CCDC144A: variants seen among roughly 807,000 people sequenced by gnomAD.
The protein encoded by CCDC144A is coiled-coil domain containing 144A.
In CCDC144A, 41 loss-of-function variants were observed where a neutral mutation model predicts 143.8. The observed-to-expected ratio is 0.29, with a 90% confidence interval of 0.22 to 0.37. CCDC144A has a LOEUF of 0.37. Among genes scored for constraint, CCDC144A ranks in the 10% least tolerant of loss-of-function variants. The pLI is 1.00. For missense variants in CCDC144A, 637 were observed against 1,488.8 expected (o/e 0.43, Z 9.41); for synonymous variants, 242 against 517.9 (o/e 0.47, Z 7.23).
intron 12 of CCDC144A, among the ~76,000 whole-genome samples, chr17:16,747,725 T>G (rs1914602343): frequency 6.6e-6 from 1 of 152,250 alleles, no homozygotes; most frequent in African/African-American, 2.4e-5. Context: ...GATTTGTCTC[T>G]CAGCTTGAAC....
chr17:16,668,370 C>T, the CCDC144A span, among the ~76,000 whole-genome samples: 14 of 152,066 alleles, frequency 9.2e-5, no homozygotes, highest in Middle Eastern at 3.4e-3. Context: ...GATTCTAGGC[C>T]CTCTAATTAT....
the CCDC144A span, among the ~76,000 whole-genome samples, chr17:16,671,309 G>T: frequency 6.6e-6 from 1 of 151,724 alleles, no homozygotes; most frequent in Non-Finnish European, 1.5e-5. Flanking sequence ...ATTATTAAAG[G>T]GTTACATTAA....
intron 12 of CCDC144A, among the ~76,000 whole-genome samples, chr17:16,756,293 TTTTTA>T (rs1488274994): frequency 9.2e-5 from 14 of 152,244 alleles, no homozygotes; most frequent in African/African-American, 2.2e-4. Flanking sequence ...GTCTTCATTC[TTTTTA>T]TTTTATTTTT....
intron 2 of CCDC144A, among the ~76,000 whole-genome samples, chr17:16,700,324 C>T (rs969985084): frequency 4.5e-4 from 69 of 152,274 alleles, no homozygotes; most frequent in Non-Finnish European, 5.7e-4. Flanking sequence ...TCATTAGAGG[C>T]TCAGCACCCA....
chr17:16,678,751 G>GTTTTT, the CCDC144A span, among the ~76,000 whole-genome samples: 44 of 78,016 alleles, frequency 5.6e-4, no homozygotes, highest in Non-Finnish European at 7.2e-4. Flanking sequence ...TGGCTAATTT[G>GTTTTT]TTTTTTTTTT....
intron 12 of CCDC144A, among the ~76,000 whole-genome samples, chr17:16,742,652 C>T (rs1454911744): frequency 6.6e-6 from 1 of 152,182 alleles, no homozygotes; most frequent in Non-Finnish European, 1.5e-5. Flanking sequence ...TACTAGTTTA[C>T]ATTCCCTCCA....
chr17:16,694,429 A>G (rs2621660), intron 2 of CCDC144A, among the ~76,000 whole-genome samples: 3 of 152,192 alleles, frequency 2.0e-5, no homozygotes, highest in South Asian at 4.1e-4. Context: ...AAAACAAATA[A>G]AAAATTAGCT....
chr17:16,726,399 A>G (rs1913426562), intron 8 of CCDC144A, among the ~76,000 whole-genome samples: 3 of 141,038 alleles, frequency 2.1e-5, no homozygotes, highest in African/African-American at 8.9e-5. Context: ...AAAAAAAGAG[A>G]GATAAAAAAA....
intron 11 of CCDC144A, among the ~76,000 whole-genome samples, chr17:16,733,792 G>T (rs1213817012): frequency 6.6e-6 from 1 of 151,964 alleles, no homozygotes; most frequent in African/African-American, 2.4e-5. Flanking sequence ...CATATTTTTT[G>T]ACCTCTCCTT....
rs1234732025 is a variant in CCDC144A at position 16,711,156 on chromosome 17, AAAC to A, written c.1579-520_1579-518del. Among the ~76,000 whole-genome samples, 18 of 143,618 alleles carry A rather than the reference AAAC, an allele frequency of 1.3e-4. 1 individual carries two copies. Among genetic ancestry groups the A allele is most frequent in the East Asian group, 3.9e-4 (2 of 5,104 alleles). The allele number at this position is 143,618 out of a possible 152,430, so 94.2% of individuals were successfully genotyped here. ...CAAATGAAAAAAAAAAAAAAAAAAAAAACAAAAGTTAGTGGGGGAAAAGAATAG... is the reference window on the plus strand; with the variant it reads ...CAAATGAAAAAAAAAAAAAAAAAAAAAAAAGTTAGTGGGGGAAAAGAATAG... On this transcript the variant is annotated intron_variant, in intron 5 of 16. Coordinates refer to ENST00000399273, the MANE Select transcript of CCDC144A (RefSeq NM_001382000.1).
intron 2 of CCDC144A, among the ~76,000 whole-genome samples, chr17:16,699,502 A>T (rs1232508421): frequency 7.2e-5 from 1 of 13,806 alleles, no homozygotes; most frequent in South Asian, 4.2e-3. Flanking sequence ...CAGCCTCCTG[A>T]GTAGCTGGGA....
chr17:16,719,170 C>A (rs1912945366), intron 6 of CCDC144A, among the ~76,000 whole-genome samples: 1 of 151,606 alleles, frequency 6.6e-6, no homozygotes, highest in Admixed American at 6.6e-5. Context: ...AGTTGACCTA[C>A]AATGGATTAT....
intron 8 of CCDC144A, among the ~76,000 whole-genome samples, chr17:16,724,578 G>C (rs1434618275): frequency 6.6e-6 from 1 of 150,948 alleles, no homozygotes; most frequent in Non-Finnish European, 1.5e-5. Flanking sequence ...AGTGCTCACT[G>C]GGTACTTGAG....
chr17:16,708,428 C>G (rs2143114037), intron 4 of CCDC144A, among the ~76,000 whole-genome samples: 1 of 152,198 alleles, frequency 6.6e-6, no homozygotes, highest in South Asian at 2.1e-4. Flanking sequence ...GGCTCACTTT[C>G]CAAGTGAGGA....
rs1444667471 is a variant in CCDC144A, at chr17:16,709,590, A to G, written c.1533A>G (p.Glu511=). The stretch of plus-strand genomic sequence containing the variant: ...AGAATGAGGTCAACACATTAGAAGA[A>G]GAGTTCCTGGCTTTGAAGAAAGAAG... ...KFKNEVNTLE[E]EFLALKKEDV... is the part of the protein sequence containing the mutation. The change falls in exon 5 of 17, where the codon GAA becomes GAG. Residue 511 remains glutamate, a synonymous_variant. Coordinates refer to ENST00000399273, the MANE Select transcript of CCDC144A (RefSeq NM_001382000.1). 6.2e-7 allele frequency: 1 copy of G among 1,611,612 alleles called. No homozygotes were observed. Among genetic ancestry groups the G allele is most frequent in the East Asian group, 2.2e-5 (1 of 44,808 alleles).
At chr17:16,726,910 G>A (rs1037373662) in intron 8 of CCDC144A, 1 of 133,682 alleles carries the variant, frequency 7.5e-6, no homozygotes, top group Non-Finnish European at 1.6e-5. Flanking sequence ...GCGGTAGCCT[G>A]GAAACTCCGT....
At chr17:16,688,484 G>GTTTTTTTTTTTTTTTTTTTTTTTTTTT (rs66493875), upstream of CCDC144A, among the ~76,000 whole-genome samples, 1 of 71,622 alleles carries the variant, frequency 1.4e-5, no homozygotes, top group African/African-American at 5.3e-5. Flanking sequence ...TTCTTTTTCT[G>GTTTTTTTTTTTTTTTTTTTTTTTTTTT]TTTTTTTTTT....
At chr17:16,679,585 C>T in the CCDC144A span, among the ~76,000 whole-genome samples, 1 of 151,918 alleles carries the variant, frequency 6.6e-6, no homozygotes, top group African/African-American at 2.4e-5. Flanking sequence ...CACACCAAGC[C>T]AGGATGAGAA....
At chr17:16,700,703 A>G (rs1455228336) in intron 2 of CCDC144A, among the ~76,000 whole-genome samples, 2 of 152,234 alleles carry the variant, frequency 1.3e-5, no homozygotes, top group Admixed American at 6.5e-5. Flanking sequence ...TACTGGTTTC[A>G]GTTGCATCAT....
Sources: allele counts gnomAD v4.1 joint callset (sites outside exome capture counted in the v4.1 genomes callset), GRCh38; gene constraint gnomAD v4.1.1; transcripts MANE v1.5; gene names NCBI Gene and HGNC (gene_info 2026-07-23, HGNC 2026-07-21).